Variants in RSBN1L observed in about 807,000 individuals in gnomAD.
RSBN1L encodes round spermatid basic protein 1 like.
RSBN1L carries 30 observed loss-of-function variants against 67.7 expected under a neutral mutation model. That is an observed-to-expected ratio of 0.44 (90% CI 0.33 to 0.60). RSBN1L has a LOEUF of 0.60. Ranked by LOEUF, RSBN1L falls within the 20% of genes least tolerant of loss-of-function variation. The pLI is 0.02. For missense variants in RSBN1L, 992 were observed against 1,031.7 expected (o/e 0.96, Z 0.53); for synonymous variants, 433 against 387.0 (o/e 1.12, Z -1.39).
At chr7:77,727,921 T>C (rs906728978) in intron 1 of RSBN1L, among the ~76,000 whole-genome samples, 3 of 152,222 alleles carry the variant, frequency 2.0e-5, no homozygotes. Flanking sequence ...TTTTGTGTAG[T>C]TAAAAATTGC....
At chr7:77,707,022 A>ATTT (rs1034017450) in intron 1 of RSBN1L, among the ~76,000 whole-genome samples, 5 of 137,670 alleles carry the variant, frequency 3.6e-5, no homozygotes, top group Admixed American at 1.5e-4. Context: ...ATTAAACTAG[A>ATTT]TTTTTTTTTT....
At chr7:77,742,027 A>G (rs1447385935) in intron 2 of RSBN1L, among the ~76,000 whole-genome samples, 2 of 151,860 alleles carry the variant, frequency 1.3e-5, no homozygotes, top group Admixed American at 1.3e-4. Context: ...ACTTATGGCT[A>G]TGATTTGTTA....
intron 1 of RSBN1L, among the ~76,000 whole-genome samples, chr7:77,709,820 T>G (rs1790949353): frequency 6.6e-6 from 1 of 152,246 alleles, no homozygotes; most frequent in African/African-American, 2.4e-5. Flanking sequence ...TCCTCAAATT[T>G]TAACTTAGTC....
At chr7:77,738,714 G>T (rs531120163) in intron 2 of RSBN1L, among the ~76,000 whole-genome samples, 5 of 152,066 alleles carry the variant, frequency 3.3e-5, no homozygotes, top group African/African-American at 1.2e-4. Context: ...TTGGGAGGCC[G>T]AGGCAGGTGG....
chr7:77,775,400 A>G (rs1168330411), intron 6 of RSBN1L, among the ~76,000 whole-genome samples: 2 of 152,002 alleles, frequency 1.3e-5, no homozygotes, highest in African/African-American at 4.8e-5. Flanking sequence ...CTGGGCATGC[A>G]TGCCTATAAC....
chr7:77,765,506 G>A lies in RSBN1L; in HGVS notation c.1356G>A (p.Thr452=), dbSNP rs572533888. 30 of 1,570,280 alleles carry A rather than the reference G, an allele frequency of 1.9e-5. No homozygotes were observed. The Admixed American group carries it at 2.7e-4, about 14-fold the overall frequency. The part of the protein sequence containing the change: ...MSNFHAQVKR[T]YSHGTYRAGP... ...CCATGTTTCTTCAGGTAAAAAGAAC[G>A]TATTCTCATGGTACTTACAGAGCTG... Residue 452 remains threonine (T), a synonymous_variant, in exon 4 of 8, where the codon ACG becomes ACA. Coordinates refer to ENST00000334955, the MANE Select transcript of RSBN1L (RefSeq NM_198467.3).
At chr7:77,746,346 AGGT>A (rs950985911) in intron 2 of RSBN1L, among the ~76,000 whole-genome samples, 9 of 152,052 alleles carry the variant, frequency 5.9e-5, no homozygotes, top group African/African-American at 2.2e-4. Context: ...AGCAGGAGAG[AGGT>A]GGTGATGGGG....
chr7:77,775,484 G>T (rs951347436), intron 6 of RSBN1L, among the ~76,000 whole-genome samples: 2 of 152,144 alleles, frequency 1.3e-5, no homozygotes, highest in Non-Finnish European at 2.9e-5. Flanking sequence ...AGCCGAGATC[G>T]TGCTGTGTTT....
intron 2 of RSBN1L, among the ~76,000 whole-genome samples, chr7:77,748,491 T>A (rs1791512623): frequency 6.6e-6 from 1 of 152,146 alleles, no homozygotes; most frequent in Non-Finnish European, 1.5e-5. Flanking sequence ...TTTTTTTCTT[T>A]ATTTTTTTCT....
chr7:77,729,952 T>C (rs1403653948), intron 1 of RSBN1L, among the ~76,000 whole-genome samples: 1 of 152,182 alleles, frequency 6.6e-6, no homozygotes, highest in Admixed American at 6.5e-5. Context: ...AAACCCTGTC[T>C]CAAAAAAACA....
chr7:77,777,949 C>T (rs983869102), intron 6 of RSBN1L, among the ~76,000 whole-genome samples: 1 of 152,054 alleles, frequency 6.6e-6, no homozygotes, highest in African/African-American at 2.4e-5. Context: ...ATAAAATACT[C>T]CCTTTTCCTC....
chr7:77,725,285 G>A (rs1343238131), intron 1 of RSBN1L, among the ~76,000 whole-genome samples: 2 of 70,626 alleles, frequency 2.8e-5, no homozygotes, highest in African/African-American at 1.3e-4. Context: ...TTTTGCTCTT[G>A]TGGCCCAAGC....
chr7:77,730,247 T>C (rs1791256929), intron 1 of RSBN1L, among the ~76,000 whole-genome samples: 1 of 152,180 alleles, frequency 6.6e-6, no homozygotes, highest in South Asian at 2.1e-4. Context: ...GTTGACCTCA[T>C]GTTTTAGAGC....
intron 1 of RSBN1L, among the ~76,000 whole-genome samples, chr7:77,716,322 GT>G (rs1360970636): frequency 6.6e-6 from 1 of 151,528 alleles, no homozygotes; most frequent in Non-Finnish European, 1.5e-5. Flanking sequence ...GTTTTGTTTT[GT>G]TTTTGTTTTT....
intron 1 of RSBN1L, among the ~76,000 whole-genome samples, chr7:77,711,121 G>C (rs1049882825): frequency 6.6e-6 from 1 of 152,110 alleles, no homozygotes; most frequent in Non-Finnish European, 1.5e-5. Flanking sequence ...AACAGCAGAA[G>C]GGTGATAATG....
intron 1 of RSBN1L, among the ~76,000 whole-genome samples, chr7:77,735,059 AAAAAAAC>A (rs1291049365): frequency 6.6e-6 from 1 of 151,924 alleles, no homozygotes; most frequent in Non-Finnish European, 1.5e-5. Context: ...CACTTGAAAA[AAAAAAAC>A]AAAAAACACT....
At chr7:77,709,184 G>GTGTGTC (rs1252187500) in intron 1 of RSBN1L, among the ~76,000 whole-genome samples, 2 of 134,032 alleles carry the variant, frequency 1.5e-5, no homozygotes, top group African/African-American at 6.2e-5. Flanking sequence ...GTGTGTGTGT[G>GTGTGTC]TGTGTGTGTG....
Position 77,725,244 on chromosome 7 carries a change from C to CTTTTTTTTTTTTTTTTTTTTTTTTT in RSBN1L, c.587-11145_587-11144insTTTTTTTTTTTTTTTTTTTTTTTTT, listed in dbSNP as rs779531960. ...TTCTTCCCTAGGGATAAGCCCCCCACTTTTTTTTTTTTTTTTTTTTTGAGA... is the reference window on the plus strand; with the variant it reads ...TTCTTCCCTAGGGATAAGCCCCCCACTTTTTTTTTTTTTTTTTTTTTTTTTTTTTTTTTTTTTTTTTTTTTTGAGA... On this transcript the variant is annotated intron_variant, in intron 1 of 7. Transcript: ENST00000334955. Among the ~76,000 whole-genome samples, 53 of 73,632 alleles carry CTTTTTTTTTTTTTTTTTTTTTTTTT rather than the reference C, an allele frequency of 7.2e-4. 5 individuals carry two copies. The highest frequency in any genetic ancestry group is 8.8e-4 in the Non-Finnish European group (36 of 40,990). 48.3% of individuals were successfully genotyped at this position (73,632 alleles called of 152,430 possible). A position where few individuals can be genotyped will look rare whatever the true frequency, so the allele number is the denominator to read the frequency against.
At chr7:77,749,143 A>G (rs143545859) in intron 2 of RSBN1L, among the ~76,000 whole-genome samples, 225 of 152,294 alleles carry the variant, frequency 1.5e-3, no homozygotes, top group Middle Eastern at 3.4e-3. Context: ...AATCCCAGCT[A>G]CTTGGGAGAC....
Sources: gnomAD v4.1 joint callset for allele counts (sites outside exome capture counted in the v4.1 genomes callset) on GRCh38, gnomAD v4.1.1 for gene constraint, MANE v1.5 for transcripts, NCBI Gene and HGNC (gene_info 2026-07-23, HGNC 2026-07-21) for gene names.